The following TMEM74 variants were observed in gnomAD, a reference collection of about 807,000 sequenced individuals.
The protein encoded by TMEM74 is transmembrane protein 74.
In TMEM74, 13 loss-of-function variants were observed where a neutral mutation model predicts 18.1. The observed-to-expected ratio is 0.72, with a 90% CI of 0.47 to 1.14. The LOEUF is 1.14. Ranked by LOEUF, TMEM74 falls within the 50% of genes most tolerant of loss-of-function variation. The pLI is 0.00. For synonymous variants in TMEM74, 159 were observed against 146.6 expected, an observed-to-expected ratio of 1.08 and a Z score of -0.61; for missense variants, 372 against 375.9, an observed-to-expected ratio of 0.99 and a Z score of 0.09.
At chr8:108,651,888 C>A (rs756738599) in intron 2 of TMEM74, among the ~76,000 whole-genome samples, 1 of 151,100 alleles carries the variant, frequency 6.6e-6, no homozygotes, top group Non-Finnish European at 1.5e-5. Flanking sequence ...CTGGAGAGTA[C>A]GTTGAGATTA....
rs1554630302 is a variant in TMEM74 at position 108,657,881 on chromosome 8, T to TATATATTAATTAC, written n.120-2445_120-2444insGTAATTAATATAT. ...AAAAATATATATATATATATATATA[T>TATATATTAATTAC]ATATATATATATATATATATATTAA... is the stretch of plus-strand genomic sequence containing the variant. On this transcript the variant is annotated intron_variant and non_coding_transcript_variant, in intron 1 of 3. Transcript: ENST00000518838. 3.9e-3 allele frequency among the ~76,000 whole-genome samples: 378 copies of TATATATTAATTAC among 98,088 alleles called. 5 individuals carry two copies. Among genetic ancestry groups the TATATATTAATTAC allele is most frequent in the East Asian group, 5.6e-3 (20 of 3,542 alleles). 64.3% of individuals were successfully genotyped at this position (98,088 alleles called of 152,430 possible).
At position 108,736,316 on chromosome 8, in the gene TMEM74, T is replaced by A. The variant is rs147256983; in HGVS notation, n.119+51160A>T. Reference sequence around the variant, plus strand: ...CGGGGCTTTCTTTTTAAAAGATCTTTCTTTTTTACTTGAAATGTGAATTGT... The same window carrying A: ...CGGGGCTTTCTTTTTAAAAGATCTTACTTTTTTACTTGAAATGTGAATTGT... On this transcript the variant is annotated intron_variant and non_coding_transcript_variant, in intron 1 of 3. Coordinates refer to the TMEM74 transcript ENST00000518838. Among the ~76,000 whole-genome samples, 763 of 152,274 alleles carry A rather than the reference T, an allele frequency of 5.0e-3. 5 individuals carry two copies. Among genetic ancestry groups the A allele is most frequent in the African/African-American group, 0.016 (677 of 41,572 alleles).
intron 2 of TMEM74, among the ~76,000 whole-genome samples, chr8:108,624,805 G>T (rs1424132531): frequency 6.6e-6 from 1 of 151,902 alleles, no homozygotes; most frequent in Non-Finnish European, 1.5e-5. Flanking sequence ...TAACTGTATA[G>T]GAACTGTGTG....
intron 2 of TMEM74, among the ~76,000 whole-genome samples, chr8:108,640,157 G>T (rs1385593796): frequency 7.0e-6 from 1 of 142,212 alleles, no homozygotes; most frequent in African/African-American, 2.7e-5. Context: ...ACGGAGTCCG[G>T]AGTCTTGCTC....
chr8:108,608,298 C>CAAAAAAAAAA, intron 3 of TMEM74, among the ~76,000 whole-genome samples: 1 of 72,594 alleles, frequency 1.4e-5, no homozygotes, highest in Non-Finnish European at 3.0e-5. Context: ...AAGACTCTGT[C>CAAAAAAAAAA]AAAAAAAAAA....
At chr8:108,715,868 G>A (rs1480639141) in intron 1 of TMEM74, among the ~76,000 whole-genome samples, 1 of 151,924 alleles carries the variant, frequency 6.6e-6, no homozygotes, top group African/African-American at 2.4e-5. Flanking sequence ...TATGAGACAA[G>A]TAACCCTGGT....
intron 2 of TMEM74, among the ~76,000 whole-genome samples, chr8:108,628,099 A>G (rs1216869315): frequency 6.6e-6 from 1 of 151,962 alleles, no homozygotes; most frequent in Non-Finnish European, 1.5e-5. Context: ...CAACTTTACA[A>G]ATAAAGACTC....
At chr8:108,775,616 AT>A (rs1236101040), downstream of TMEM74, among the ~76,000 whole-genome samples, 4 of 152,146 alleles carry the variant, frequency 2.6e-5, no homozygotes, top group African/African-American at 4.8e-5. Flanking sequence ...CTCTTTTGAG[AT>A]TATAAAAAAC....
At chr8:108,768,574 T>C (rs1314306862) in intron 1 of TMEM74, among the ~76,000 whole-genome samples, 1 of 152,204 alleles carries the variant, frequency 6.6e-6, no homozygotes, top group Non-Finnish European at 1.5e-5. Flanking sequence ...CAGCTCCTCC[T>C]GTAACCCAAG....
intron 1 of TMEM74, among the ~76,000 whole-genome samples, chr8:108,693,638 AAT>A (rs1251476352): frequency 6.6e-6 from 1 of 152,212 alleles, no homozygotes; most frequent in East Asian, 1.9e-4. Flanking sequence ...TGCCTTCCTA[AAT>A]AGGTACGGGG....
intron 1 of TMEM74, among the ~76,000 whole-genome samples, chr8:108,764,911 T>C (rs1334720724): frequency 6.6e-6 from 1 of 152,196 alleles, no homozygotes; most frequent in Non-Finnish European, 1.5e-5. Context: ...ATTATCCAGC[T>C]GCAGAAAATC....
At chr8:108,611,978 G>A (rs1162023956) in intron 2 of TMEM74, among the ~76,000 whole-genome samples, 4 of 152,168 alleles carry the variant, frequency 2.6e-5, no homozygotes, top group Non-Finnish European at 5.9e-5. Flanking sequence ...TCACAGGGCG[G>A]TAGGAGAGAA....
At chr8:108,777,167 G>A (rs1242541825), downstream of TMEM74, among the ~76,000 whole-genome samples, 2 of 152,216 alleles carry the variant, frequency 1.3e-5, no homozygotes, top group African/African-American at 4.8e-5. Context: ...CAAGAGTAGA[G>A]GAGCAGGCAT....
chr8:108,651,999 A>G (rs1812779414), intron 2 of TMEM74, among the ~76,000 whole-genome samples: 1 of 151,712 alleles, frequency 6.6e-6, no homozygotes, highest in Non-Finnish European at 1.5e-5. Context: ...TCTACTAACT[A>G]CTTAAAATCA....
At chr8:108,672,805 A>G (rs1456232776) in intron 1 of TMEM74, among the ~76,000 whole-genome samples, 2 of 152,204 alleles carry the variant, frequency 1.3e-5, no homozygotes, top group African/African-American at 4.8e-5. Flanking sequence ...TACATTCACA[A>G]TGATGCTATA....
At chr8:108,641,501 C>T (rs1812664504) in intron 2 of TMEM74, among the ~76,000 whole-genome samples, 1 of 152,116 alleles carries the variant, frequency 6.6e-6, no homozygotes, top group Non-Finnish European at 1.5e-5. Flanking sequence ...TCCTGCTGTG[C>T]AGTCCATGTG....
At chr8:108,649,833 A>G (rs1037185091) in intron 2 of TMEM74, among the ~76,000 whole-genome samples, 6 of 152,092 alleles carry the variant, frequency 3.9e-5, no homozygotes, top group African/African-American at 1.2e-4. Context: ...GGAGCCTTCA[A>G]TGTTGCTTGG....
At chr8:108,629,417 A>C (rs891025445) in intron 2 of TMEM74, among the ~76,000 whole-genome samples, 1 of 152,108 alleles carries the variant, frequency 6.6e-6, no homozygotes, top group Non-Finnish European at 1.5e-5. Context: ...ACTTCAGGAT[A>C]TTATCCAGGA....
downstream of TMEM74, among the ~76,000 whole-genome samples, chr8:108,777,437 T>G (rs1262415953): frequency 6.6e-6 from 1 of 152,166 alleles, no homozygotes; most frequent in Non-Finnish European, 1.5e-5. Flanking sequence ...TGAGTCTCAT[T>G]AGGGGTAAGA....
Sources: allele counts gnomAD v4.1 joint callset (sites outside exome capture counted in the v4.1 genomes callset), GRCh38; gene constraint gnomAD v4.1.1; transcripts MANE v1.5; gene names NCBI Gene and HGNC (gene_info 2026-07-23, HGNC 2026-07-21).